YEATS2: variants seen among roughly 807,000 people sequenced by gnomAD.
The protein encoded by YEATS2 is YEATS domain-containing protein 2.
A neutral mutation model predicts 163.2 loss-of-function variants in YEATS2; 77 were observed. That is an observed-to-expected ratio of 0.47 (90% CI 0.39 to 0.57). YEATS2 has a LOEUF of 0.57. Among genes scored for constraint, YEATS2 ranks in the 20% least tolerant of loss-of-function variants. The probability of loss-of-function intolerance (pLI) is 0.00; values close to 1 mark genes in which losing one functional copy is unlikely to be tolerated. For missense variants in YEATS2, 1,549 were observed against 1,729.8 expected, an observed-to-expected ratio of 0.90 and a Z score of 1.85; for synonymous variants, 631 against 645.1, an observed-to-expected ratio of 0.98 and a Z score of 0.33.
intron 2 of YEATS2, 64 bp downstream of exon 2, chr3:183,715,326 G>A (rs1715732527): frequency 4.1e-6 from 5 of 1,205,116 alleles, no homozygotes; most frequent in South Asian, 2.5e-5. Context: ...AAAACTTACA[G>A]GAACTAGAAT....
At chr3:183,755,737 C>CTTCCTTT (rs1720669869) in intron 11 of YEATS2, among the ~76,000 whole-genome samples, 1 of 32,458 alleles carries the variant, frequency 3.1e-5, no homozygotes, top group Admixed American at 4.6e-4. Flanking sequence ...TTCTTCCTTC[C>CTTCCTTT]TTTCTTTTTT....
Position 183,762,822 on chromosome 3 carries a change from C to T in YEATS2, c.1947+543C>T, listed in dbSNP as rs555474794. On this transcript the variant is annotated intron_variant, in intron 15 of 30. Coordinates refer to ENST00000305135, the MANE Select transcript of YEATS2 (RefSeq NM_018023.5). ...ATCCCAGCACTTTAGGAGGCTGAGG[C>T]GGGCGGATTACCTGAAGGCAGGAGT... 9.7e-4 allele frequency among the ~76,000 whole-genome samples: 148 copies of T among 151,946 alleles called. 1 individual carries two copies. Among genetic ancestry groups the T allele is most frequent in the African/African-American group, 3.2e-3 (134 of 41,442 alleles).
At chr3:183,722,581 G>A (rs1309856683) in intron 5 of YEATS2, among the ~76,000 whole-genome samples, 1 of 152,012 alleles carries the variant, frequency 6.6e-6, no homozygotes, top group Admixed American at 6.5e-5. Context: ...GAGCCACTGC[G>A]CCCAGCGGGA....
At chr3:183,723,725 A>G (rs1716773248) in intron 5 of YEATS2, among the ~76,000 whole-genome samples, 1 of 152,216 alleles carries the variant, frequency 6.6e-6, no homozygotes, top group Admixed American at 6.5e-5. Flanking sequence ...CAGCCTGACT[A>G]ACATGGTGAA....
chr3:183,723,449 G>A (rs1202719697), intron 5 of YEATS2, among the ~76,000 whole-genome samples: 1 of 152,108 alleles, frequency 6.6e-6, no homozygotes, highest in Non-Finnish European at 1.5e-5. Context: ...AAATTCATAT[G>A]TGTTCATTTT....
Position 183,728,830 on chromosome 3 carries a change from C to A in YEATS2, c.791C>A (p.Pro264Gln). 2 of 1,611,880 alleles carry A rather than the reference C, an allele frequency of 1.2e-6. No individual in the cohort carries two copies. Among genetic ancestry groups the A allele is most frequent in the Non-Finnish European group, 8.5e-7 (1 of 1,179,396 alleles). ...VWFFLHPSYK[P>Q]NDLVEVREPP... ...TTCTTCCTTCATCCTAGCTATAAAC[C>A]AAATGACCTTGTGGAAGTTAGGTAA... Residue 264 changes from proline to glutamine, a missense_variant, in exon 7 of 31, where the codon CCA becomes CAA. Physicochemically the swap from Pro to Gln is moderately conservative, Grantham distance 76. Coordinates refer to ENST00000305135, the MANE Select transcript of YEATS2 (RefSeq NM_018023.5).
intron 8 of YEATS2, among the ~76,000 whole-genome samples, chr3:183,745,410 C>T (rs553687119): frequency 4.3e-4 from 65 of 152,246 alleles, no homozygotes; most frequent in African/African-American, 1.5e-3. Flanking sequence ...GAACATTCTG[C>T]TCTAGCCATG....
intron 22 of YEATS2, 94 bp downstream of exon 22, chr3:183,798,145 C>A: frequency 6.5e-7 from 1 of 1,546,778 alleles, no homozygotes; most frequent in Non-Finnish European, 8.8e-7. Context: ...TGTACAGCCA[C>A]CCTTCAGCTG....
In YEATS2 at chr3:183,770,490, A is replaced by G. The variant is rs368621664; in HGVS notation, c.1948-1815A>G. The stretch of plus-strand genomic sequence containing the variant: ...TTTTAAAATTTAGAAATACTCTAAA[A>G]TTCCAGTAACATATGTAGAGAATTA... On this transcript the variant is annotated intron_variant, in intron 15 of 30. Transcript: ENST00000305135. 1.2e-4 allele frequency among the ~76,000 whole-genome samples: 18 copies of G among 152,374 alleles called. 1 individual carries two copies. Among genetic ancestry groups the G allele is most frequent in the Admixed American group, 5.2e-4 (8 of 15,300 alleles).
chr3:183,763,261 C>G (rs886340669), intron 15 of YEATS2, among the ~76,000 whole-genome samples: 4 of 152,014 alleles, frequency 2.6e-5, no homozygotes, highest in African/African-American at 9.7e-5. Context: ...GCCTATTGCT[C>G]CTAGGCTGTA....
chr3:183,722,004 C>G lies in YEATS2; in HGVS notation c.405C>G (p.Ala135=). Residue 135 remains alanine, a synonymous_variant, in exon 5 of 31, where the codon GCC becomes GCG. Coordinates refer to ENST00000305135, the MANE Select transcript of YEATS2 (RefSeq NM_018023.5). ...PANQRAETPS[A]NHSESDSLSQ... is the part of the protein sequence containing the mutation. ...ATCAGAGAGCAGAAACACCATCAGC[C>G]AATCATTCAGAAAGTGATTCTTTAT... 1.5e-5 allele frequency: 25 copies of G among 1,614,126 alleles called. No individual in the cohort carries two copies. The highest frequency in any genetic ancestry group is 2.1e-5 in the Non-Finnish European group (25 of 1,180,034).
intron 20 of YEATS2, among the ~76,000 whole-genome samples, chr3:183,789,525 A>AATTT (rs1724386406): frequency 1.5e-5 from 1 of 66,314 alleles, no homozygotes; most frequent in Non-Finnish European, 2.6e-5. Context: ...ATTCGAGTTA[A>AATTT]TTTTTTTTTT....
intron 1 of YEATS2, among the ~76,000 whole-genome samples, chr3:183,703,313 T>C (rs1431651152): frequency 6.6e-6 from 1 of 152,226 alleles, no homozygotes; most frequent in African/African-American, 2.4e-5. Flanking sequence ...AATGGGAACA[T>C]ATTCAAAAGG....
At chr3:183,727,651 G>C (rs1240135587) in intron 6 of YEATS2, among the ~76,000 whole-genome samples, 3 of 152,168 alleles carry the variant, frequency 2.0e-5, no homozygotes, top group Non-Finnish European at 2.9e-5. Flanking sequence ...TTTTCTACAT[G>C]AATCTAAGAA....
chr3:183,793,064 G>T, intron 21 of YEATS2: 1 of 1,073,838 alleles, frequency 9.3e-7, no homozygotes, highest in African/African-American at 1.6e-5. Flanking sequence ...TAAAAATGTC[G>T]CAGCACTATC....
intron 8 of YEATS2, among the ~76,000 whole-genome samples, chr3:183,738,450 G>A (rs1335642750): frequency 2.9e-5 from 3 of 103,444 alleles, no homozygotes; most frequent in Non-Finnish European, 5.4e-5. Context: ...TGTGCACATT[G>A]TGCAGGTTAG....
intron 1 of YEATS2, among the ~76,000 whole-genome samples, chr3:183,714,551 G>C (rs1715632448): frequency 6.6e-6 from 1 of 151,816 alleles, no homozygotes; most frequent in African/African-American, 2.4e-5. Flanking sequence ...TGTGGGGCTT[G>C]TTTACCGTAT....
rs1301828973 is a variant in YEATS2 at position 183,761,552 on chromosome 3, G to C, written c.1702G>C (p.Gly568Arg). Residue 568 changes from glycine (G) to arginine (R), a missense_variant, in exon 14 of 31, where the codon GGG becomes CGG. By Grantham distance (125) the Gly-to-Arg change is moderately radical (BLOSUM62 -2). Transcript: ENST00000305135. ...ATCTATGCCACCTCTTTGCCCAATT[G>C]GGAGTCACCCTAAGGTTCAAAGCCC... is the stretch of plus-strand genomic sequence containing the variant. Reference protein sequence around the residue: ...FASMPPLCPIGSHPKVQSPKP... With the variant: ...FASMPPLCPIRSHPKVQSPKP... 1 of 1,614,152 alleles carries C rather than the reference G, an allele frequency of 6.2e-7. No individual in the cohort carries two copies. The highest frequency in any genetic ancestry group is 8.5e-7 in the Non-Finnish European group (1 of 1,180,004).
intron 15 of YEATS2, among the ~76,000 whole-genome samples, chr3:183,763,843 A>C (rs1721626242): frequency 6.6e-6 from 1 of 152,102 alleles, no homozygotes. Flanking sequence ...CAAGGCGGAC[A>C]GATCACTTCA....
Sources: allele counts gnomAD v4.1 joint callset (sites outside exome capture counted in the v4.1 genomes callset), GRCh38; gene constraint gnomAD v4.1.1; transcripts MANE v1.5; gene names NCBI Gene and HGNC (gene_info 2026-07-23, HGNC 2026-07-21).